The following LRFN2 variants were observed in gnomAD, a reference collection of about 807,000 sequenced individuals.
LRFN2 encodes leucine-rich repeat and fibronectin type-III domain-containing protein 2.
Under a neutral mutation model 37.3 loss-of-function variants are expected in LRFN2, and 18 were observed. The observed-to-expected ratio is 0.48, with a 90% CI of 0.33 to 0.72. The LOEUF is 0.72. LRFN2 is among the 30% of genes least tolerant of loss of function. The pLI is 0.02. For missense variants in LRFN2, 1,006 were observed against 1,060.7 expected, an observed-to-expected ratio of 0.95 and a Z score of 0.72; for synonymous variants, 556 against 466.6, an observed-to-expected ratio of 1.19 and a Z score of -2.47.
chr6:40,524,601 C>CA (rs1186193058), intron 1 of LRFN2, among the ~76,000 whole-genome samples: 3 of 152,186 alleles, frequency 2.0e-5, no homozygotes, highest in Non-Finnish European at 4.4e-5. Flanking sequence ...CCTTCTCACT[C>CA]ACTCTGTTGG....
chr6:40,496,464 C>CT (rs1765230575), intron 1 of LRFN2, among the ~76,000 whole-genome samples: 1 of 149,408 alleles, frequency 6.7e-6, no homozygotes, highest in South Asian at 2.1e-4. Context: ...TTCATTTTCC[C>CT]TTGGGACCAC....
At chr6:40,522,165 G>A (rs1345979942) in intron 1 of LRFN2, among the ~76,000 whole-genome samples, 2 of 152,150 alleles carry the variant, frequency 1.3e-5, no homozygotes, top group Admixed American at 1.3e-4. Context: ...GGGCAAGCTT[G>A]CACCAGTGCA....
At chr6:40,540,893 T>C (rs1335738107) in intron 1 of LRFN2, among the ~76,000 whole-genome samples, 1 of 152,096 alleles carries the variant, frequency 6.6e-6, no homozygotes, top group Non-Finnish European at 1.5e-5. Flanking sequence ...CCCAGCTTGC[T>C]CTCAGGGCCA....
chr6:40,574,787 A>G (rs767176982), intron 1 of LRFN2, among the ~76,000 whole-genome samples: 1 of 152,110 alleles, frequency 6.6e-6, no homozygotes, highest in Admixed American at 6.5e-5. Context: ...CAGCAGGGCC[A>G]CGGAAGTGAA....
At chr6:40,415,795 G>T (rs995660808) in intron 2 of LRFN2, among the ~76,000 whole-genome samples, 2 of 152,214 alleles carry the variant, frequency 1.3e-5, no homozygotes, top group African/African-American at 4.8e-5. Flanking sequence ...AACACCTCTC[G>T]AATGACTAAA....
chr6:40,502,993 A>T (rs1765428416), intron 1 of LRFN2, among the ~76,000 whole-genome samples: 1 of 152,236 alleles, frequency 6.6e-6, no homozygotes, highest in African/African-American at 2.4e-5. Flanking sequence ...GACAGAGAGA[A>T]CAGCATGTTC....
At chr6:40,548,276 C>T (rs969547449) in intron 1 of LRFN2, among the ~76,000 whole-genome samples, 4 of 152,054 alleles carry the variant, frequency 2.6e-5, no homozygotes, top group African/African-American at 9.7e-5. Flanking sequence ...CCTGCCTCTA[C>T]TAAAAACACA....
At chr6:40,586,119 C>T (rs1186234153) in intron 1 of LRFN2, among the ~76,000 whole-genome samples, 1 of 152,174 alleles carries the variant, frequency 6.6e-6, no homozygotes, top group Non-Finnish European at 1.5e-5. Flanking sequence ...TGTCTCTGTC[C>T]TTTGTACCGG....
At chr6:40,489,002 TA>T (rs1214647213) in intron 1 of LRFN2, among the ~76,000 whole-genome samples, 1 of 152,210 alleles carries the variant, frequency 6.6e-6, no homozygotes, top group African/African-American at 2.4e-5. Context: ...GGTGTTGGCG[TA>T]AAGACTTCAC....
intron 1 of LRFN2, among the ~76,000 whole-genome samples, chr6:40,564,168 G>A (rs555338204): frequency 1.3e-5 from 2 of 152,244 alleles, no homozygotes; most frequent in Admixed American, 1.3e-4. Flanking sequence ...TCTTAGGTCT[G>A]GCCCCTATAT....
chr6:40,477,691 A>T (rs1300318461), intron 1 of LRFN2, among the ~76,000 whole-genome samples: 1 of 152,124 alleles, frequency 6.6e-6, no homozygotes, highest in Non-Finnish European at 1.5e-5. Flanking sequence ...CTAAGCAGCC[A>T]GCTTTGGGCA....
chr6:40,564,877 C>A (rs1341138725), intron 1 of LRFN2, among the ~76,000 whole-genome samples: 1 of 152,088 alleles, frequency 6.6e-6, no homozygotes, highest in Non-Finnish European at 1.5e-5. Context: ...ACCCCAAAAT[C>A]CCCCCAGCCT....
intron 1 of LRFN2, among the ~76,000 whole-genome samples, chr6:40,514,860 C>G (rs1765816020): frequency 6.6e-6 from 1 of 152,158 alleles, no homozygotes; most frequent in African/African-American, 2.4e-5. Flanking sequence ...CAAACAGTTC[C>G]CATTTCTTAA....
At chr6:40,436,185 G>T (rs758459025) in intron 1 of LRFN2, among the ~76,000 whole-genome samples, 10 of 152,064 alleles carry the variant, frequency 6.6e-5, no homozygotes, top group Non-Finnish European at 1.3e-4. Flanking sequence ...TCAAAATCTG[G>T]TGCGTATTTT....
At chr6:40,517,426 C>T (rs937080574) in intron 1 of LRFN2, 2 of 152,150 alleles carry the variant, frequency 1.3e-5, no homozygotes, top group African/African-American at 4.8e-5. Flanking sequence ...CCACTGGTCC[C>T]ATCTCAGACT....
At chr6:40,450,364 G>A (rs556586620) in intron 1 of LRFN2, among the ~76,000 whole-genome samples, 1 of 152,250 alleles carries the variant, frequency 6.6e-6, no homozygotes, top group African/African-American at 2.4e-5. Context: ...TGTTGGGAGA[G>A]AGGAGTGAAG....
rs925478500 is a variant in LRFN2, at chr6:40,492,683, G to A, written c.-18-59552C>T. Reference sequence around the variant, plus strand: ...TTCTCAGGGAGAGGTGGGCATCACTGCATGGCAGCCAGGGGCACCTCCTCT... The same window carrying A: ...TTCTCAGGGAGAGGTGGGCATCACTACATGGCAGCCAGGGGCACCTCCTCT... On this transcript the variant is annotated intron_variant, in intron 1 of 2. Coordinates refer to ENST00000338305, the MANE Select transcript of LRFN2 (RefSeq NM_020737.3). Among the ~76,000 whole-genome samples the A allele has an allele frequency of 3.9e-5, 6 of 152,090 alleles. No individual in the cohort carries two copies. The East Asian group carries it at 9.7e-4, about 25-fold the overall frequency.
chr6:40,580,863 A>G (rs575798512), intron 1 of LRFN2, among the ~76,000 whole-genome samples: 1 of 152,344 alleles, frequency 6.6e-6, no homozygotes, highest in South Asian at 2.1e-4. Flanking sequence ...ATGAATGTAC[A>G]AGTGTGAGTA....
intron 1 of LRFN2, among the ~76,000 whole-genome samples, chr6:40,498,653 C>T (rs1332109510): frequency 6.6e-6 from 1 of 152,240 alleles, no homozygotes; most frequent in South Asian, 2.1e-4. Context: ...ACGCCCAGCC[C>T]ACTCTGCGAC....
Sources: gnomAD v4.1 joint callset for allele counts (sites outside exome capture counted in the v4.1 genomes callset) on GRCh38, gnomAD v4.1.1 for gene constraint, MANE v1.5 for transcripts, NCBI Gene and HGNC (gene_info 2026-07-23, HGNC 2026-07-21) for gene names.